The following KSR2 variants were observed in gnomAD, a reference collection of about 807,000 sequenced individuals.
KSR2 encodes kinase suppressor of ras 2.
In KSR2, 25 loss-of-function variants were observed where a neutral mutation model predicts 107.8. The observed-to-expected ratio is 0.23, with a 90% CI of 0.17 to 0.32. The LOEUF (loss-of-function observed/expected upper bound fraction) is 0.32, where lower values mean the gene tolerates loss of function less well. Ranked by LOEUF, KSR2 falls within the 10% of genes least tolerant of loss-of-function variation. The probability of loss-of-function intolerance (pLI) is 1.00; values close to 1 mark genes in which losing one functional copy is unlikely to be tolerated. For missense variants in KSR2, 887 were observed against 1,268.9 expected, an observed-to-expected ratio of 0.70 and a Z score of 4.57; for synonymous variants, 480 against 507.0, an observed-to-expected ratio of 0.95 and a Z score of 0.71.
At chr12:117,943,200 T>C (rs909606249) in intron 1 of KSR2, among the ~76,000 whole-genome samples, 5 of 152,182 alleles carry the variant, frequency 3.3e-5, no homozygotes, top group Admixed American at 6.6e-5. Context: ...AAGTACATAT[T>C]CTGTTTTTTC....
intron 4 of KSR2, among the ~76,000 whole-genome samples, chr12:117,725,919 C>A (rs1887407462): frequency 6.6e-6 from 1 of 152,154 alleles, no homozygotes; most frequent in African/African-American, 2.4e-5. Flanking sequence ...ATAATCCCAG[C>A]ACTTTGGGAG....
intron 1 of KSR2, among the ~76,000 whole-genome samples, chr12:117,927,357 CAGAGCA>C (rs995075741): frequency 6.7e-6 from 1 of 150,000 alleles, no homozygotes; most frequent in Non-Finnish European, 1.5e-5. Context: ...GCCTGGGCGA[CAGAGCA>C]AGACTCTGTC....
At chr12:117,647,555 G>A (rs56329110) in intron 5 of KSR2, among the ~76,000 whole-genome samples, 4,690 of 152,180 alleles carry the variant, frequency 0.031, 240 homozygotes, top group African/African-American at 0.11. Context: ...TCAAATGAGT[G>A]ACAAAGAGGT....
chr12:117,904,513 G>A (rs1894781842), intron 1 of KSR2, among the ~76,000 whole-genome samples: 1 of 152,144 alleles, frequency 6.6e-6, no homozygotes, highest in South Asian at 2.1e-4. Flanking sequence ...ATGGATTTCG[G>A]TGGCCTTATT....
chr12:117,605,085 CTTT>C (rs2136299677), intron 5 of KSR2, among the ~76,000 whole-genome samples: 1 of 152,254 alleles, frequency 6.6e-6, no homozygotes, highest in Non-Finnish European at 1.5e-5. Context: ...ATGTTTGTGG[CTTT>C]TTCTAAAGAA....
chr12:117,864,397 T>C (rs1161471176), intron 1 of KSR2, among the ~76,000 whole-genome samples: 1 of 152,164 alleles, frequency 6.6e-6, no homozygotes, highest in African/African-American at 2.4e-5. Flanking sequence ...GATATAAAAA[T>C]AAATGTTGAT....
At position 117,968,537 on chromosome 12, in the gene KSR2, C is replaced by T; in HGVS notation, c.-282G>A. The T allele has an allele frequency of 8.4e-7, 1 of 1,197,156 alleles. No homozygotes were observed. The highest frequency in any genetic ancestry group is 1.0e-6 in the Non-Finnish European group (1 of 964,732). 74.2% of individuals were successfully genotyped at this position (1,197,156 alleles called of 1,614,324 possible). ...TCCCTGAAAAGGAGAGATGCTGTTT[C>T]TCAGAAGCAAACCAGGTGATGTGAT... On this transcript the variant is annotated 5_prime_UTR_variant, in exon 1 of 20. Transcript: ENST00000339824.
chr12:117,962,642 G>A (rs770166959), intron 1 of KSR2, among the ~76,000 whole-genome samples: 75 of 150,066 alleles, frequency 5.0e-4, no homozygotes, highest in Non-Finnish European at 8.4e-4. Flanking sequence ...ACGGGGTTTC[G>A]CCATGTTGGC....
At chr12:117,698,489 T>C (rs1187552101) in intron 4 of KSR2, among the ~76,000 whole-genome samples, 1 of 152,106 alleles carries the variant, frequency 6.6e-6, no homozygotes, top group Admixed American at 6.6e-5. Flanking sequence ...CTATTTTTTT[T>C]TTCCTTTGGT....
intron 9 of KSR2, among the ~76,000 whole-genome samples, chr12:117,551,357 C>T (rs708851): frequency 6.6e-6 from 1 of 151,950 alleles, no homozygotes; most frequent in Non-Finnish European, 1.5e-5. Flanking sequence ...CATCAAGCTA[C>T]TTCCATGCCC....
chr12:117,591,508 C>T (rs58478523), intron 5 of KSR2, among the ~76,000 whole-genome samples: 2,041 of 152,064 alleles, frequency 0.013, 40 homozygotes, highest in African/African-American at 0.047. Flanking sequence ...AGATGCCCTG[C>T]TAGGAGTGTC....
intron 3 of KSR2, among the ~76,000 whole-genome samples, chr12:117,835,111 T>C (rs1892146462): frequency 6.6e-6 from 1 of 152,036 alleles, no homozygotes; most frequent in Admixed American, 6.6e-5. Context: ...GACACCAGGC[T>C]CAGTGAGGCC....
At chr12:117,959,734 C>G (rs1336906267) in intron 1 of KSR2, among the ~76,000 whole-genome samples, 1 of 152,062 alleles carries the variant, frequency 6.6e-6, no homozygotes, top group Admixed American at 6.6e-5. Context: ...AGTTGGAGAC[C>G]AGCCTGAGCA....
chr12:117,865,431 A>G (rs1188105488), intron 1 of KSR2, among the ~76,000 whole-genome samples: 1 of 152,178 alleles, frequency 6.6e-6, no homozygotes, highest in Non-Finnish European at 1.5e-5. Flanking sequence ...TTCTATATCT[A>G]TGTATGCCTA....
chr12:117,711,626 AG>A (rs1886785591), intron 4 of KSR2, among the ~76,000 whole-genome samples: 2 of 152,342 alleles, frequency 1.3e-5, no homozygotes, highest in South Asian at 4.1e-4. Flanking sequence ...CTAGGAAGAC[AG>A]GAGTCTGGGA....
rs137985189 is a variant in KSR2 at position 117,966,613 on chromosome 12, ACACGCG to A, written c.180+1457_180+1462del. Among the ~76,000 whole-genome samples the A allele has an allele frequency of 4.1e-4, 55 of 135,260 alleles. 1 individual carries two copies. Among genetic ancestry groups the A allele is most frequent in the African/African-American group, 8.6e-4 (31 of 36,028 alleles). The allele number at this position is 135,260 out of a possible 152,430, so 88.7% of individuals were successfully genotyped here. ...AGCATGTTCTCTCTCTCTCTCTCTC[ACACGCG>A]CACGCACACACACACACACACACAC... On this transcript the variant is annotated intron_variant, in intron 1 of 19. Transcript: ENST00000339824.
At chr12:117,476,355 T>C in intron 17 of KSR2, 109 bp downstream of exon 17, 1 of 1,343,824 alleles carries the variant, frequency 7.4e-7, no homozygotes, top group Non-Finnish European at 9.8e-7. Context: ...CCAGCCACTT[T>C]GGCCCTGTAG....
At chr12:117,631,724 G>A (rs1417567353) in intron 5 of KSR2, among the ~76,000 whole-genome samples, 1 of 152,142 alleles carries the variant, frequency 6.6e-6, no homozygotes, top group Non-Finnish European at 1.5e-5. Flanking sequence ...TCAATAGGAA[G>A]AATCGAGTGA....
chr12:117,723,994 T>G (rs185880032), intron 4 of KSR2, among the ~76,000 whole-genome samples: 7 of 152,172 alleles, frequency 4.6e-5, no homozygotes, highest in Non-Finnish European at 7.3e-5. Flanking sequence ...CATAATATGT[T>G]TTAAAGATAG....
Sources: allele counts gnomAD v4.1 joint callset (sites outside exome capture counted in the v4.1 genomes callset), GRCh38; gene constraint gnomAD v4.1.1; transcripts MANE v1.5; gene names NCBI Gene and HGNC (gene_info 2026-07-23, HGNC 2026-07-21).